The following CCAR2 variants were observed in gnomAD, a reference collection of about 807,000 sequenced individuals.
The protein encoded by CCAR2 is cell cycle and apoptosis regulator 2, also known as cell cycle and apoptosis regulator protein 2.
In CCAR2, 21 loss-of-function variants were observed where a neutral mutation model predicts 108.1. The observed-to-expected ratio is 0.19, with a 90% CI of 0.14 to 0.28. CCAR2 has a LOEUF of 0.28. Ranked by LOEUF, CCAR2 falls within the 10% of genes least tolerant of loss-of-function variation. CCAR2 has a pLI of 1.00. For synonymous variants in CCAR2, 577 were observed against 472.8 expected (o/e 1.22, Z -2.86); for missense variants, 1,126 against 1,177.0 (o/e 0.96, Z 0.63).
chr8:22,609,890 C>T (rs1801212649), intron 7 of CCAR2, among the ~76,000 whole-genome samples: 1 of 152,154 alleles, frequency 6.6e-6, no homozygotes, highest in African/African-American at 2.4e-5. Flanking sequence ...ACAGAAAGGA[C>T]GTACAGGTTG....
chr8:22,611,710 T>C lies in CCAR2; in HGVS notation c.585-1307T>C, dbSNP rs368049012. ...ATATTGCAGCATAATCCTGAGTGTT[T>C]TAATGGCTGCGTGATTGTTTGTATT... is the stretch of plus-strand genomic sequence containing the variant. On this transcript the variant is annotated intron_variant, in intron 7 of 20. Coordinates refer to ENST00000308511, the MANE Select transcript of CCAR2 (RefSeq NM_001393997.1). Among the ~76,000 whole-genome samples the C allele has an allele frequency of 5.3e-5, 8 of 152,326 alleles. No homozygotes were observed. The East Asian group carries it at 1.2e-3, about 22-fold the overall frequency.
Position 22,615,021 on chromosome 8 carries a change from C to T in CCAR2, c.1205+20C>T, listed in dbSNP as rs199806567. On this transcript the variant is annotated intron_variant, in intron 11 of 20. Coordinates refer to ENST00000308511, the MANE Select transcript of CCAR2 (RefSeq NM_001393997.1). ...CAAGTGGTGAGTGGGCTTCCTGAGC[C>T]TCAGCTGCACCAACGCACCAGGTTG... 2.0e-5 allele frequency: 31 copies of T among 1,534,752 alleles called. No individual in the cohort carries two copies. Among genetic ancestry groups the T allele is most frequent in the Non-Finnish European group, 2.7e-5 (31 of 1,138,792 alleles).
intron 7 of CCAR2, among the ~76,000 whole-genome samples, chr8:22,609,964 C>T (rs1162713664): frequency 7.4e-6 from 1 of 135,258 alleles, no homozygotes; most frequent in African/African-American, 2.7e-5. Context: ...GCTGACATGG[C>T]ACTCAAAAGG....
chr8:22,606,242 CT>C, intron 3 of CCAR2, 66 bp downstream of exon 3: 1 of 1,257,900 alleles, frequency 7.9e-7, no homozygotes, highest in Non-Finnish European at 1.2e-6. Context: ...GCCTGGTGCT[CT>C]TTTTCTCTTA....
Position 22,619,272 on chromosome 8 carries a change from A to G in CCAR2, c.2644A>G (p.Lys882Glu). The G allele has an allele frequency of 6.4e-7, 1 of 1,565,346 alleles. No individual in the cohort carries two copies. The highest frequency in any genetic ancestry group is 8.7e-7 in the Non-Finnish European group (1 of 1,155,664). The stretch of plus-strand genomic sequence containing the variant: ...GACCGCCCGGACGGCGGAGCGACAG[A>G]AGAGCCAGCTCCAGCGGCTGCTGCA... ...EETARTAERQ[K>E]SQLQRLLQEL... is the part of the protein sequence containing the mutation. The change falls in exon 20 of 21, where the codon AAG becomes GAG. Residue 882 changes from lysine to glutamate, a missense_variant. Lys to Glu is a moderately conservative substitution (Grantham distance 56, BLOSUM62 1). Transcript: ENST00000308511.
rs3736147 is a variant in CCAR2 at position 22,614,311 on chromosome 8, G to C, written c.924G>C (p.Ser308=). The C allele has an allele frequency of 1.2e-6, 2 of 1,613,828 alleles. No homozygotes were observed. The highest frequency in any genetic ancestry group is 1.3e-5 in the African/African-American group (1 of 75,002). Residue 308 remains serine (S), a synonymous_variant, in exon 9 of 21, where the codon TCG becomes TCC. Transcript: ENST00000308511. ...CAGACAGTGACCCCGCTTATAGTTCGAAGGTAAGCTGACAGGCGTCTCTCA... is the reference window on the plus strand; with the variant it reads ...CAGACAGTGACCCCGCTTATAGTTCCAAGGTAAGCTGACAGGCGTCTCTCA... ...ITADSDPAYS[S]KVLLLSSPGL... is the part of the protein sequence containing the mutation.
At position 22,618,460 on chromosome 8, in the gene CCAR2, C is replaced by T; in HGVS notation, c.2185C>T (p.Leu729Phe). 2 of 1,614,198 alleles carry T rather than the reference C, an allele frequency of 1.2e-6. No homozygotes were observed. The highest frequency in any genetic ancestry group is 1.7e-6 in the Non-Finnish European group (2 of 1,180,040). ...YLHRRDLERI[L>F]LTLGIRLSAE... ...GCACCGGCGAGACTTAGAGAGGATC[C>T]TCCTTACCCTTGGGATCCGGCTCAG... Residue 729 changes from leucine to phenylalanine, a missense_variant, in exon 17 of 21, where the codon CTC becomes TTC. By Grantham distance (22) the Leu-to-Phe change is conservative (BLOSUM62 0). Around this residue, in one of 4 missense-constraint regions of CCAR2, gnomAD observed 1,013 missense variants for 993.9 expected, o/e 1.02. Transcript: ENST00000308511.
At chr8:22,612,301 C>G (rs1218224155) in intron 7 of CCAR2, among the ~76,000 whole-genome samples, 1 of 147,678 alleles carries the variant, frequency 6.8e-6, no homozygotes, top group Non-Finnish European at 1.5e-5. Flanking sequence ...CGGAGTCTTG[C>G]TCTGTCACCA....
At chr8:22,612,914 T>G in intron 7 of CCAR2, 103 bp from the exon 8 acceptor site, 1 of 1,269,080 alleles carries the variant, frequency 7.9e-7, no homozygotes. Context: ...TTCCATTTAT[T>G]GAATGTGAGG....
chr8:22,611,642 C>T (rs1269296279), intron 7 of CCAR2, among the ~76,000 whole-genome samples: 1 of 152,058 alleles, frequency 6.6e-6, no homozygotes, highest in Admixed American at 6.6e-5. Flanking sequence ...CAATTTTAAT[C>T]TTACAGTTCA....
At chr8:22,612,996 T>TG in intron 7 of CCAR2, 21 bp from the exon 8 acceptor site, 1 of 1,609,128 alleles carries the variant, frequency 6.2e-7, no homozygotes, top group Non-Finnish European at 8.5e-7. Context: ...TTCTTACTGT[T>TG]GGTGATGGGT....
chr8:22,621,468 G>C, downstream of CCAR2: 2 of 1,613,884 alleles, frequency 1.2e-6, no homozygotes, highest in Non-Finnish European at 1.7e-6. Context: ...ACTGAGTTTG[G>C]CCTCGTTCTC....
rs1330234839 is a variant in CCAR2 at position 22,606,952 on chromosome 8, G to T, written c.285G>T (p.Leu95=). 2.5e-6 allele frequency: 4 copies of T among 1,613,978 alleles called. No homozygotes were observed. Among genetic ancestry groups the T allele is most frequent in the Non-Finnish European group, 2.5e-6 (3 of 1,180,036 alleles). Reference sequence around the variant, plus strand: ...TGCCCCAGCTGGGTGAGAAGGTGCTGGTGAAGGCTGCATACAACCCAGGCC... The same window carrying T: ...TGCCCCAGCTGGGTGAGAAGGTGCTTGTGAAGGCTGCATACAACCCAGGCC... ...GRLPQLGEKV[L]VKAAYNPGQA... is the part of the protein sequence containing the mutation. Residue 95 remains leucine, a synonymous_variant, in exon 5 of 21, where the codon CTG becomes CTT. Transcript: ENST00000308511.
At chr8:22,611,644 T>TA (rs550182848) in intron 7 of CCAR2, among the ~76,000 whole-genome samples, 171 of 152,322 alleles carry the variant, frequency 1.1e-3, no homozygotes, top group Non-Finnish European at 1.9e-3. Context: ...ATTTTAATCT[T>TA]ACAGTTCAAA....
rs1331056446 is a variant in CCAR2, at chr8:22,619,869, G to A, written c.*187G>A. On this transcript the variant is annotated 3_prime_UTR_variant, in exon 21 of 21. Transcript: ENST00000308511. ...GGGCTGTGCTATGTGGGATGGATGT[G>A]TGAGGAACCCCGGTTCCACTTAACA... 1 of 611,488 alleles carries A rather than the reference G, an allele frequency of 1.6e-6. No homozygotes were observed. Among genetic ancestry groups the A allele is most frequent in the Non-Finnish European group, 2.9e-6 (1 of 345,236 alleles). The allele number at this position is 611,488 out of a possible 1,614,324, so 37.9% of individuals were successfully genotyped here. A position where few individuals can be genotyped will look rare whatever the true frequency, so the allele number is the denominator to read the frequency against.
At chr8:22,612,809 G>C in intron 7 of CCAR2, 3 of 527,044 alleles carry the variant, frequency 5.7e-6, no homozygotes, top group Non-Finnish European at 9.6e-6. Context: ...TGCAGAGTGT[G>C]CTTTTTGCTT....
At chr8:22,617,275 T>TTAAA (rs1403747960) in intron 14 of CCAR2, 145 bp from the exon 15 acceptor site, 23 of 948,834 alleles carry the variant, frequency 2.4e-5, no homozygotes, top group Non-Finnish European at 3.3e-5. Context: ...CTTAATGAAA[T>TTAAA]TAAATACATG....
At chr8:22,614,343 T>G in intron 9 of CCAR2, 29 bp downstream of exon 9, 1 of 1,613,938 alleles carries the variant, frequency 6.2e-7, no homozygotes, top group Non-Finnish European at 8.5e-7. Flanking sequence ...CTCACTTATC[T>G]GATTTCTGGA....
In CCAR2 at chr8:22,605,147, C is replaced by T. The variant is rs200389746; in HGVS notation, c.-39+305C>T. The T allele has an allele frequency of 1.6e-4, 31 of 191,552 alleles. No individual in the cohort carries two copies. In the South Asian group the frequency reaches 2.1e-3, roughly 13 times the overall value. 11.9% of individuals were successfully genotyped at this position (191,552 alleles called of 1,614,324 possible). A position where few individuals can be genotyped will look rare whatever the true frequency, so the allele number is the denominator to read the frequency against. ...GGAGCGTGGGAGCAGGAGGGTGGCGCGCAGCCGGTTTCGCGTTTGGTCGGC... is the reference window on the plus strand; with the variant it reads ...GGAGCGTGGGAGCAGGAGGGTGGCGTGCAGCCGGTTTCGCGTTTGGTCGGC... On this transcript the variant is annotated intron_variant, in intron 1 of 20. Coordinates refer to ENST00000308511, the MANE Select transcript of CCAR2 (RefSeq NM_001393997.1).
Sources: gnomAD v4.1 joint callset for allele counts (sites outside exome capture counted in the v4.1 genomes callset) on GRCh38, gnomAD v4.1.1 for gene constraint, gnomAD v4.1.1 regional missense constraint, MANE v1.5 for transcripts, NCBI Gene and HGNC (gene_info 2026-07-23, HGNC 2026-07-21) for gene names.